Variants in TKT observed in about 807,000 individuals in gnomAD.
TKT encodes the protein transketolase, also known as epididymis luminal protein 107.
A neutral mutation model predicts 63.9 loss-of-function variants in TKT; 47 were observed. The observed-to-expected ratio is 0.74, with a 90% CI of 0.58 to 0.94. The LOEUF (loss-of-function observed/expected upper bound fraction) is 0.94, where lower values mean the gene tolerates loss of function less well. Among genes scored for constraint, TKT ranks in the 40% least tolerant of loss-of-function variants. TKT has a pLI of 0.00. For missense variants in TKT, 721 were observed against 846.2 expected, an observed-to-expected ratio of 0.85 and a Z score of 1.84; for synonymous variants, 338 against 334.1, an observed-to-expected ratio of 1.01 and a Z score of -0.13.
intron 5 of TKT, 54 bp from the exon 6 acceptor site, chr3:53,233,328 G>C: frequency 7.0e-7 from 1 of 1,432,524 alleles, no homozygotes; most frequent in South Asian, 1.3e-5. Flanking sequence ...ACAACACCGA[G>C]GAGCCTTCCA....
chr3:53,241,923 C>A (rs1226412170), intron 2 of TKT: 1 of 581,344 alleles, frequency 1.7e-6, no homozygotes, highest in East Asian at 2.9e-5. Flanking sequence ...GCAGAGCAAC[C>A]CATCAATTCA....
At chr3:53,233,857 C>T (rs1157252276) in intron 5 of TKT, 2 of 152,240 alleles carry the variant, frequency 1.3e-5, no homozygotes, top group Non-Finnish European at 2.9e-5. Flanking sequence ...GCCATGCCAA[C>T]CACTACCCAT....
chr3:53,251,578 C>G (rs183826882), intron 1 of TKT, among the ~76,000 whole-genome samples: 1 of 152,210 alleles, frequency 6.6e-6, no homozygotes, highest in African/African-American at 2.4e-5. Context: ...TCACTGCACA[C>G]GGGTCAGCAA....
intron 1 of TKT, among the ~76,000 whole-genome samples, chr3:53,251,252 T>C (rs1365475644): frequency 1.3e-5 from 2 of 152,212 alleles, no homozygotes; most frequent in African/African-American, 4.8e-5. Context: ...CTGACTGTGA[T>C]GGAGTCCTCA....
In TKT at chr3:53,248,132, G is replaced by A. The variant is rs559860850; in HGVS notation, c.108-5890C>T. ...ATGATGTAGTGTGTATGTACAGAAC[G>A]TGGCACCATGCATAGAAATTAGCAA... On this transcript the variant is annotated intron_variant, in intron 1 of 13. Transcript: ENST00000462138. 3.2e-3 allele frequency among the ~76,000 whole-genome samples: 481 copies of A among 152,292 alleles called. 3 individuals are homozygous for A. The highest frequency in any genetic ancestry group is 0.011 in the African/African-American group (451 of 41,554).
intron 1 of TKT, among the ~76,000 whole-genome samples, chr3:53,247,098 T>C (rs1705542756): frequency 6.6e-6 from 1 of 151,646 alleles, no homozygotes; most frequent in Non-Finnish European, 1.5e-5. Flanking sequence ...GGCTCACGCC[T>C]ATAATCCCAG....
In TKT at chr3:53,228,997, T is replaced by C. The variant is rs1300513688; in HGVS notation, c.1395+10A>G. On this transcript the variant is annotated intron_variant, in intron 10 of 13. Transcript: ENST00000462138. Reference sequence around the variant, plus strand: ...CTGCCAGCAGGAGAAAGAACAGCCATGCAACCTACCTTTGTATTGGCGGCT... The same window carrying C: ...CTGCCAGCAGGAGAAAGAACAGCCACGCAACCTACCTTTGTATTGGCGGCT... The C allele has an allele frequency of 1.9e-6, 3 of 1,613,910 alleles. No homozygotes were observed. Among genetic ancestry groups the C allele is most frequent in the South Asian group, 1.1e-5 (1 of 91,060 alleles).
intron 2 of TKT, 152 bp downstream of exon 2, chr3:53,241,973 G>T: frequency 1.4e-6 from 1 of 707,842 alleles, no homozygotes; most frequent in Non-Finnish European, 2.5e-6. Context: ...CACAGAGCAG[G>T]ACACTGAGGG....
intron 11 of TKT, 61 bp downstream of exon 11, chr3:53,228,215 G>A: frequency 6.2e-7 from 1 of 1,612,936 alleles, no homozygotes; most frequent in South Asian, 1.1e-5. Context: ...TGACTGCTGG[G>A]AGTCACAGCA....
chr3:53,228,060 C>A lies in TKT; in HGVS notation c.1569G>T (p.Lys523Asn). Residue 523 changes from lysine (K) to asparagine (N), a missense_variant, in exon 12 of 14, where the codon AAG (lysine) becomes AAT (asparagine). By Grantham distance (94) the Lys-to-Asn change is moderately conservative (BLOSUM62 0). Transcript: ENST00000462138. ...TTGGAGGCCCCTTCTCCTCACCTTT[C>A]TTCAGCAGTTCGGCAGCGGCCAAGG... ...HEALAAAELL[K>N]KEKINIRVLD... is the part of the protein sequence containing the mutation. 1 of 1,612,556 alleles carries A rather than the reference C, an allele frequency of 6.2e-7. No homozygotes were observed. Among genetic ancestry groups the A allele is most frequent in the Non-Finnish European group, 8.5e-7 (1 of 1,179,944 alleles).
intron 10 of TKT, 25 bp downstream of exon 10, chr3:53,228,982 G>T: frequency 6.2e-7 from 1 of 1,613,474 alleles, no homozygotes; most frequent in Non-Finnish European, 8.5e-7. Context: ...CTGCCAGCAG[G>T]AGAAAGAACA....
At chr3:53,241,332 C>T (rs1705265626) in intron 2 of TKT, 87 bp from the exon 3 acceptor site, 12 of 1,109,992 alleles carry the variant, frequency 1.1e-5, no homozygotes, top group South Asian at 3.1e-5. Context: ...CCCTGGGGCC[C>T]GGCCGAGCCG....
intron 1 of TKT, among the ~76,000 whole-genome samples, chr3:53,243,190 G>A (rs181664773): frequency 1.2e-4 from 19 of 152,108 alleles, no homozygotes; most frequent in Non-Finnish European, 2.5e-4. Flanking sequence ...AATAGAAAGC[G>A]TAAACTTTCT....
At chr3:53,246,157 A>G (rs1174767800) in intron 1 of TKT, among the ~76,000 whole-genome samples, 1 of 152,170 alleles carries the variant, frequency 6.6e-6, no homozygotes, top group Non-Finnish European at 1.5e-5. Context: ...AATCCCAGCT[A>G]CTTGGGAAGC....
chr3:53,235,702 AG>A (rs1286494765), intron 4 of TKT: 1 of 152,420 alleles, frequency 6.6e-6, no homozygotes, highest in Non-Finnish European at 1.5e-5. Context: ...CTGGAGCAAG[AG>A]GGCTCTGGGG....
chr3:53,250,765 G>C (rs1425823895), intron 1 of TKT, among the ~76,000 whole-genome samples: 3 of 152,080 alleles, frequency 2.0e-5, no homozygotes, highest in Non-Finnish European at 4.4e-5. Context: ...GAGAACCTGA[G>C]ATAGGAAGGT....
chr3:53,255,991 G>T lies in TKT; in HGVS notation c.-49C>A, dbSNP rs558682272. On this transcript the variant is annotated 5_prime_UTR_variant, in exon 1 of 14. Transcript: ENST00000462138. ...GCACACGCGGACACACAGAGATAGC[G>T]GCTGCTCCCGCGGCGACAGGCGGCT... is the stretch of plus-strand genomic sequence containing the variant. 2 of 1,334,442 alleles carry T rather than the reference G, an allele frequency of 1.5e-6. No individual in the cohort carries two copies. The highest frequency in any genetic ancestry group is 1.0e-6 in the Non-Finnish European group (1 of 1,002,738). The allele number at this position is 1,334,442 out of a possible 1,614,324, so 82.7% of individuals were successfully genotyped here.
At chr3:53,251,536 C>T (rs1705746582) in intron 1 of TKT, among the ~76,000 whole-genome samples, 1 of 152,234 alleles carries the variant, frequency 6.6e-6, no homozygotes, top group African/African-American at 2.4e-5. Flanking sequence ...CTGACAGAGG[C>T]CAGTGTCCCT....
At chr3:53,234,962 A>C in intron 5 of TKT, 21 bp downstream of exon 5, 1 of 1,588,232 alleles carries the variant, frequency 6.3e-7, no homozygotes, top group Non-Finnish European at 8.6e-7. Flanking sequence ...GACCACACTC[A>C]GGCCACAGCC....
Sources: allele counts gnomAD v4.1 joint callset (sites outside exome capture counted in the v4.1 genomes callset), GRCh38; gene constraint gnomAD v4.1.1; transcripts MANE v1.5; gene names NCBI Gene and HGNC (gene_info 2026-07-23, HGNC 2026-07-21).